The following MECR variants were observed in gnomAD, a reference collection of about 807,000 sequenced individuals.
MECR encodes mitochondrial trans-2-enoyl-CoA reductase, also known as enoyl-[acyl-carrier-protein] reductase, mitochondrial.
Under a neutral mutation model 49.1 loss-of-function variants are expected in MECR, and 37 were observed. The observed-to-expected ratio is 0.75, with a 90% CI of 0.58 to 0.99. The LOEUF is 0.99. Ranked by LOEUF, MECR falls within the 50% of genes least tolerant of loss-of-function variation. MECR has a pLI of 0.00. For synonymous variants in MECR, 198 were observed against 191.1 expected, an observed-to-expected ratio of 1.04 and a Z score of -0.30; for missense variants, 470 against 479.6, an observed-to-expected ratio of 0.98 and a Z score of 0.19.
intron 5 of MECR, among the ~76,000 whole-genome samples, chr1:29,202,660 T>C (rs1348435953): frequency 6.6e-6 from 1 of 152,140 alleles, no homozygotes; most frequent in Non-Finnish European, 1.5e-5. Context: ...AAACTTCAGT[T>C]TCCTCATCTG....
chr1:29,176,477 A>C, the MECR span, among the ~76,000 whole-genome samples: 1 of 139,016 alleles, frequency 7.2e-6, no homozygotes, highest in Non-Finnish European at 1.5e-5. Context: ...GAGAATTAAA[A>C]ACTAAAAACT....
At chr1:29,169,790 T>C in the MECR span, 1 of 152,188 alleles carries the variant, frequency 6.6e-6, no homozygotes, top group Non-Finnish European at 1.5e-5. Flanking sequence ...TATATTCACA[T>C]AGTAGGGTGA....
At chr1:29,191,390 G>A (rs989078566), downstream of MECR, among the ~76,000 whole-genome samples, 4 of 151,736 alleles carry the variant, frequency 2.6e-5, no homozygotes, top group Admixed American at 1.3e-4. Flanking sequence ...TGCAACCTCC[G>A]CCTCCCAGGT....
the MECR span, chr1:29,181,976 T>G: frequency 8.0e-6 from 3 of 373,210 alleles, no homozygotes; most frequent in African/African-American, 2.1e-5. Context: ...GCGCGTTCGC[T>G]TCCCGCTCGG....
chr1:29,223,411 C>T (rs1681265846), intron 1 of MECR: 1 of 352,938 alleles, frequency 2.8e-6, no homozygotes, highest in Non-Finnish European at 4.0e-6. Flanking sequence ...AGATATCTTT[C>T]CTGCGTTCCA....
rs193019542 is a variant in MECR at position 29,215,216 on chromosome 1, A to G, written c.406+789T>C. 2.6e-5 allele frequency among the ~76,000 whole-genome samples: 4 copies of G among 152,216 alleles called. No homozygotes were observed. In the East Asian group the frequency reaches 7.7e-4, roughly 29 times the overall value. On this transcript the variant is annotated intron_variant, in intron 3 of 9. Transcript: ENST00000263702. ...ACAATGGATTTTCCACCATTTCCCA[A>G]TCTCACCTTTGTGTCTTTCCTCATT...
the MECR span, among the ~76,000 whole-genome samples, chr1:29,175,729 A>G: frequency 6.8e-6 from 1 of 146,450 alleles, no homozygotes; most frequent in Non-Finnish European, 1.5e-5. Flanking sequence ...AAAAATTTCC[A>G]ATTATAAATA....
intron 3 of MECR, among the ~76,000 whole-genome samples, chr1:29,209,684 G>C (rs1677473343): frequency 1.3e-5 from 2 of 152,292 alleles, no homozygotes; most frequent in South Asian, 4.1e-4. Flanking sequence ...TATGAAGAAG[G>C]GGTGAAGAGG....
chr1:29,197,436 C>G lies in MECR; in HGVS notation c.831-1178G>C, dbSNP rs538338104. On this transcript the variant is annotated intron_variant, in intron 7 of 9. Transcript: ENST00000263702. Reference sequence around the variant, plus strand: ...CCTTCTCAGTACCTGCTGTCTGACACCCACACCCCCATGTCAGCTGACATA... The same window carrying G: ...CCTTCTCAGTACCTGCTGTCTGACAGCCACACCCCCATGTCAGCTGACATA... 7.2e-5 allele frequency among the ~76,000 whole-genome samples: 11 copies of G among 152,310 alleles called. No individual in the cohort carries two copies. The South Asian group carries it at 1.9e-3, about 26-fold the overall frequency.
the MECR span, chr1:29,181,781 G>A: frequency 1.3e-6 from 2 of 1,544,814 alleles, no homozygotes; most frequent in East Asian, 2.6e-5. Context: ...GGCTGGCCCC[G>A]GCCCCAGCCC....
chr1:29,197,762 C>T (rs6674312), intron 7 of MECR, among the ~76,000 whole-genome samples: 1 of 152,234 alleles, frequency 6.6e-6, no homozygotes, highest in Non-Finnish European at 1.5e-5. Context: ...TGTATCCCTG[C>T]TGCACTTCAT....
At chr1:29,221,049 A>G (rs1680642762) in intron 1 of MECR, 1 of 335,134 alleles carries the variant, frequency 3.0e-6, no homozygotes, top group Non-Finnish European at 4.2e-6. Context: ...TTCATGATGA[A>G]TAAAGGTGGG....
intron 3 of MECR, 32 bp downstream of exon 3, chr1:29,215,973 C>G: frequency 1.9e-6 from 3 of 1,611,534 alleles, no homozygotes; most frequent in Non-Finnish European, 2.5e-6. Context: ...TCTGGAAGAA[C>G]GAATAGGCAG....
the MECR span, chr1:29,172,056 T>C: frequency 1.3e-5 from 2 of 150,314 alleles, no homozygotes; most frequent in African/African-American, 4.8e-5. Context: ...TTTTTCAAAA[T>C]GACAGAAAAA....
the MECR span, chr1:29,181,830 AGCG>A: frequency 6.1e-5 from 76 of 1,246,828 alleles, no homozygotes; most frequent in South Asian, 9.6e-5. Flanking sequence ...GCACGGCGGC[AGCG>A]GCGGCGGCGG....
chr1:29,196,310 T>C (rs760176783), intron 7 of MECR, 52 bp from the exon 8 acceptor site: 28 of 1,503,578 alleles, frequency 1.9e-5, no homozygotes, highest in Admixed American at 5.6e-5. Flanking sequence ...GACAGAGCCC[T>C]TCCTGAACCT....
intron 3 of MECR, among the ~76,000 whole-genome samples, chr1:29,213,010 C>A (rs921352231): frequency 2.0e-5 from 3 of 152,252 alleles, no homozygotes; most frequent in Admixed American, 2.0e-4. Context: ...TCCAGCAGCT[C>A]TTCCAGACTG....
At chr1:29,219,957 T>C (rs12407884) in intron 1 of MECR, among the ~76,000 whole-genome samples, 17,736 of 152,198 alleles carry the variant, frequency 0.12, 1,385 homozygotes, top group East Asian at 0.41. Context: ...TCACCTAGTT[T>C]TGCAGTCAGA....
At chr1:29,176,612 T>G in the MECR span, among the ~76,000 whole-genome samples, 4 of 151,700 alleles carry the variant, frequency 2.6e-5, no homozygotes. Context: ...AAGAGAAAAA[T>G]CCCTGTGTAG....
Sources: allele counts gnomAD v4.1 joint callset (sites outside exome capture counted in the v4.1 genomes callset), GRCh38; gene constraint gnomAD v4.1.1; transcripts MANE v1.5; gene names NCBI Gene and HGNC (gene_info 2026-07-23, HGNC 2026-07-21).